Variants in C1QTNF2 observed in about 807,000 individuals in gnomAD.
C1QTNF2 encodes the protein C1q and TNF related 2, also known as complement C1q tumor necrosis factor-related protein 2.
A neutral mutation model predicts 17.4 loss-of-function variants in C1QTNF2; 15 were observed. The observed-to-expected ratio is 0.86, with a 90% CI of 0.58 to 1.33. The LOEUF (loss-of-function observed/expected upper bound fraction) is 1.33, where lower values mean the gene tolerates loss of function less well. C1QTNF2 is among the 40% of genes most tolerant of loss of function. C1QTNF2 has a pLI of 0.00. For synonymous variants in C1QTNF2, 154 were observed against 163.3 expected, an observed-to-expected ratio of 0.94 and a Z score of 0.44; for missense variants, 381 against 392.3, an observed-to-expected ratio of 0.97 and a Z score of 0.24.
At chr5:160,350,408 T>C (rs1013136007) in intron 2 of C1QTNF2, among the ~76,000 whole-genome samples, 10 of 152,066 alleles carry the variant, frequency 6.6e-5, no homozygotes, top group African/African-American at 1.7e-4. Flanking sequence ...ACCCTTTGTG[T>C]TAAAAGGAAG....
intron 2 of C1QTNF2, among the ~76,000 whole-genome samples, chr5:160,352,186 G>A (rs1441327853): frequency 2.6e-5 from 4 of 152,178 alleles, no homozygotes; most frequent in Non-Finnish European, 5.9e-5. Context: ...TGAAATTACA[G>A]GCATGAGCCA....
At chr5:160,366,296 G>A (rs1764246687) in intron 1 of C1QTNF2, among the ~76,000 whole-genome samples, 2 of 152,270 alleles carry the variant, frequency 1.3e-5, no homozygotes, top group Non-Finnish European at 2.9e-5. Flanking sequence ...TAATTTGACT[G>A]CTCACACCTC....
intron 2 of C1QTNF2, among the ~76,000 whole-genome samples, 170 bp downstream of exon 2, chr5:160,354,594 AAAAG>A (rs201605507): frequency 7.4e-4 from 32 of 43,364 alleles, no homozygotes; most frequent in East Asian, 4.6e-3. Flanking sequence ...GAAAAAAAAA[AAAAG>A]TATATATATA....
Position 160,348,540 on chromosome 5 carries a change from C to T in C1QTNF2, c.*628G>A, listed in dbSNP as rs1335535048. The T allele has an allele frequency of 6.6e-6, 1 of 152,156 alleles. No individual in the cohort carries two copies. The highest frequency in any genetic ancestry group is 1.5e-5 in the Non-Finnish European group (1 of 68,056). 9.4% of individuals were successfully genotyped at this position (152,156 alleles called of 1,614,324 possible). On this transcript the variant is annotated 3_prime_UTR_variant, in exon 3 of 3. Transcript: ENST00000652664. ...CTATTTCCTTCTTTGGAACTCAGCT[C>T]AAAAATGGAAATTTTCCAGGTACTG... is the stretch of plus-strand genomic sequence containing the variant.
At chr5:160,370,034 T>G (rs1764320938) in intron 1 of C1QTNF2, among the ~76,000 whole-genome samples, 1 of 152,204 alleles carries the variant, frequency 6.6e-6, no homozygotes, top group Non-Finnish European at 1.5e-5. Context: ...ATGTTAACTG[T>G]GATTGTTAGC....
In C1QTNF2 at chr5:160,349,834, G is replaced by A. The variant is rs1763882958; in HGVS notation, c.245-53C>T. ...GAGGGTCCTCACAGACCTAGGCAGAGGGGTGCGGTGCGGCTTGGTCTTCCA... is the reference window on the plus strand; with the variant it reads ...GAGGGTCCTCACAGACCTAGGCAGAAGGGTGCGGTGCGGCTTGGTCTTCCA... On this transcript the variant is annotated intron_variant, in intron 2 of 2. Coordinates refer to ENST00000652664, the MANE Select transcript of C1QTNF2 (RefSeq NM_031908.6). The surrounding 1 kb of genome is among the most constrained non-coding windows in gnomAD (Gnocchi z 4.3). The A allele has an allele frequency of 4.0e-6, 6 of 1,498,928 alleles. No homozygotes were observed. In the South Asian group the frequency reaches 6.8e-5, roughly 17 times the overall value. The allele number at this position is 1,498,928 out of a possible 1,614,324, so 92.9% of individuals were successfully genotyped here.
chr5:160,364,727 G>A (rs1764215691), intron 1 of C1QTNF2, among the ~76,000 whole-genome samples: 1 of 152,142 alleles, frequency 6.6e-6, no homozygotes, highest in Non-Finnish European at 1.5e-5. Context: ...GTCCTAGGGA[G>A]GCTGGGCCTT....
At chr5:160,356,075 T>C (rs1764044211) in intron 1 of C1QTNF2, among the ~76,000 whole-genome samples, 1 of 152,188 alleles carries the variant, frequency 6.6e-6, no homozygotes, top group Non-Finnish European at 1.5e-5. Flanking sequence ...CACCTGGAGG[T>C]ATCTACTCCC....
At position 160,349,012 on chromosome 5, in the gene C1QTNF2, G is replaced by C. The variant is rs1763853288; in HGVS notation, c.*156C>G. The C allele has an allele frequency of 1.2e-6, 1 of 850,352 alleles. No individual in the cohort carries two copies. Among genetic ancestry groups the C allele is most frequent in the African/African-American group, 1.7e-5 (1 of 58,974 alleles). 52.7% of individuals were successfully genotyped at this position (850,352 alleles called of 1,614,324 possible). The stretch of plus-strand genomic sequence containing the variant: ...GATGGTTGGATGAATAAAAAGGTTT[G>C]GATTTAATGAAGGGGAAAAAAAGAG... On this transcript the variant is annotated 3_prime_UTR_variant, in exon 3 of 3. Transcript: ENST00000652664. This position sits in a 1 kb window ranked among gnomAD's most constrained non-coding sequence, Gnocchi z 4.3.
intron 1 of C1QTNF2, among the ~76,000 whole-genome samples, chr5:160,366,988 C>A (rs1414860608): frequency 2.2e-5 from 3 of 137,166 alleles, no homozygotes; most frequent in African/African-American, 8.3e-5. Flanking sequence ...TGTGCCGCTG[C>A]ACTTCAATCT....
At position 160,349,815 on chromosome 5, in the gene C1QTNF2, C is replaced by G. The variant is rs923760654; in HGVS notation, c.245-34G>C. Reference sequence around the variant, plus strand: ...CAGAGCAGCTGGTGTTATGGAGGGTCCTCACAGACCTAGGCAGAGGGGTGC... The same window carrying G: ...CAGAGCAGCTGGTGTTATGGAGGGTGCTCACAGACCTAGGCAGAGGGGTGC... On this transcript the variant is annotated intron_variant, in intron 2 of 2. Transcript: ENST00000652664. The surrounding 1 kb of genome is among the most constrained non-coding windows in gnomAD (Gnocchi z 4.3). 1 of 1,507,884 alleles carries G rather than the reference C, an allele frequency of 6.6e-7. No individual in the cohort carries two copies. The highest frequency in any genetic ancestry group is 1.4e-5 in the African/African-American group (1 of 71,828). The allele number at this position is 1,507,884 out of a possible 1,614,324, so 93.4% of individuals were successfully genotyped here.
At chr5:160,364,217 C>T (rs577162755) in intron 1 of C1QTNF2, among the ~76,000 whole-genome samples, 6 of 152,216 alleles carry the variant, frequency 3.9e-5, no homozygotes, top group Non-Finnish European at 7.3e-5. Flanking sequence ...TCAATTCAGA[C>T]TGGAGCATTC....
chr5:160,362,934 G>A lies in C1QTNF2; in HGVS notation c.-10+7578C>T, dbSNP rs142897601. On this transcript the variant is annotated intron_variant, in intron 1 of 2. Coordinates refer to ENST00000652664, the MANE Select transcript of C1QTNF2 (RefSeq NM_031908.6). The stretch of plus-strand genomic sequence containing the variant: ...AAGATAGTGGATTTGAAAACAAAAC[G>A]TGATACAAAATTAGAGTCGTATTTA... 3.8e-3 allele frequency among the ~76,000 whole-genome samples: 579 copies of A among 152,292 alleles called. 8 individuals are homozygous for A. The highest frequency in any genetic ancestry group is 0.013 in the African/African-American group (547 of 41,554).
intron 1 of C1QTNF2, among the ~76,000 whole-genome samples, chr5:160,367,980 GA>G (rs1194500566): frequency 1.3e-5 from 2 of 152,182 alleles, no homozygotes; most frequent in Non-Finnish European, 2.9e-5. Flanking sequence ...TGGCAGAAGA[GA>G]AAACAGAGCT....
chr5:160,361,372 G>T (rs1157460367), intron 1 of C1QTNF2, among the ~76,000 whole-genome samples: 5 of 152,214 alleles, frequency 3.3e-5, no homozygotes, highest in Non-Finnish European at 1.5e-5. Flanking sequence ...GTGTCTGCTA[G>T]TAGTAGAAGC....
At chr5:160,362,608 C>T (rs918280489) in intron 1 of C1QTNF2, among the ~76,000 whole-genome samples, 1 of 152,116 alleles carries the variant, frequency 6.6e-6, no homozygotes, top group African/African-American at 2.4e-5. Context: ...GGTCGAGGTC[C>T]CACTGGCGTT....
chr5:160,365,621 T>C (rs1581040676), intron 1 of C1QTNF2, among the ~76,000 whole-genome samples: 1 of 152,132 alleles, frequency 6.6e-6, no homozygotes, highest in East Asian at 1.9e-4. Flanking sequence ...GGTCTACCCC[T>C]AGAGAAGCAC....
intron 1 of C1QTNF2, among the ~76,000 whole-genome samples, chr5:160,361,436 C>T (rs761210913): frequency 1.3e-5 from 2 of 152,186 alleles, no homozygotes; most frequent in Non-Finnish European, 2.9e-5. Flanking sequence ...TGAACAGTCT[C>T]CCGTTGCAGA....
rs143456165 is a variant in C1QTNF2 at position 160,366,168 on chromosome 5, T to C, written c.-10+4344A>G. ...TCATTCTTATGCCTTTGCATCCTCATAGCTTAGCTCTCACTTATGAGTGAG... is the reference window on the plus strand; with the variant it reads ...TCATTCTTATGCCTTTGCATCCTCACAGCTTAGCTCTCACTTATGAGTGAG... On this transcript the variant is annotated intron_variant, in intron 1 of 2. Transcript: ENST00000652664. 1.6e-3 allele frequency among the ~76,000 whole-genome samples: 245 copies of C among 152,330 alleles called. 1 individual carries two copies. The East Asian group carries it at 0.038, about 24-fold the overall frequency.
Sources: allele counts gnomAD v4.1 joint callset (sites outside exome capture counted in the v4.1 genomes callset), GRCh38; gene constraint gnomAD v4.1.1; non-coding constraint Gnocchi (gnomAD v3.1); transcripts MANE v1.5; gene names NCBI Gene and HGNC (gene_info 2026-07-23, HGNC 2026-07-21).